The following PCDHA3 variants were observed in gnomAD, a reference collection of about 807,000 sequenced individuals.
PCDHA3 encodes the protein protocadherin alpha 3, also known as protocadherin alpha-3.
A neutral mutation model predicts 62.2 loss-of-function variants in PCDHA3; 41 were observed. That is an observed-to-expected ratio of 0.66 (90% CI 0.51 to 0.86). The LOEUF is 0.86. Ranked by LOEUF, PCDHA3 falls within the 40% of genes least tolerant of loss-of-function variation. The pLI, the probability that PCDHA3 is intolerant of heterozygous loss-of-function variation, is 0.00. For synonymous variants in PCDHA3, 640 were observed against 555.4 expected (o/e 1.15, Z -2.14); for missense variants, 1,304 against 1,241.2 (o/e 1.05, Z -0.76).
At chr5:140,807,606 T>C in intron 1 of PCDHA3, 1 of 1,614,174 alleles carries the variant, frequency 6.2e-7, no homozygotes. Flanking sequence ...CAAAAGAACC[T>C]GTCCATCGCG....
intron 1 of PCDHA3, among the ~76,000 whole-genome samples, chr5:140,895,371 T>C (rs1554186488): frequency 1.3e-5 from 2 of 152,304 alleles, no homozygotes; most frequent in East Asian, 3.9e-4. Context: ...TTGGCACTTT[T>C]TGGAGTTCTT....
intron 1 of PCDHA3, chr5:140,871,547 A>T: frequency 6.7e-7 from 1 of 1,498,966 alleles, no homozygotes; most frequent in Non-Finnish European, 8.9e-7. Flanking sequence ...AATTATTTAA[A>T]ATCCAGTTTT....
chr5:140,923,396 T>C (rs2081343835), intron 1 of PCDHA3, among the ~76,000 whole-genome samples: 1 of 152,058 alleles, frequency 6.6e-6, no homozygotes, highest in Non-Finnish European at 1.5e-5. Context: ...GGCATGGTGG[T>C]GTGTGCCTAT....
chr5:140,955,595 A>G (rs1366870361), intron 1 of PCDHA3, among the ~76,000 whole-genome samples: 1 of 152,194 alleles, frequency 6.6e-6, no homozygotes, highest in Admixed American at 6.5e-5. Context: ...TCTTTCTTTT[A>G]TAAATTACCC....
At chr5:140,906,540 A>T (rs1375015616) in intron 1 of PCDHA3, among the ~76,000 whole-genome samples, 4 of 152,232 alleles carry the variant, frequency 2.6e-5, no homozygotes, top group African/African-American at 9.6e-5. Context: ...TAAAATCCTC[A>T]TTTCTGCAAC....
chr5:141,011,182 G>T lies in PCDHA3; in HGVS notation c.*1245G>T, dbSNP rs887034679. On this transcript the variant is annotated 3_prime_UTR_variant, in exon 4 of 4. Coordinates refer to ENST00000522353, the MANE Select transcript of PCDHA3 (RefSeq NM_018906.3). ...TATATATCAAGACCCAAAAATTGAA[G>T]AAAAATATTGTTTTCTCATACAGTG... 1.3e-5 allele frequency: 2 copies of T among 153,494 alleles called. No individual in the cohort carries two copies. Among genetic ancestry groups the T allele is most frequent in the Admixed American group, 6.6e-5 (1 of 15,254 alleles). The allele number at this position is 153,494 out of a possible 1,614,324, so 9.5% of individuals were successfully genotyped here.
At chr5:140,980,722 A>G (rs1318137295) in intron 2 of PCDHA3, among the ~76,000 whole-genome samples, 1 of 152,356 alleles carries the variant, frequency 6.6e-6, no homozygotes, top group South Asian at 2.1e-4. Context: ...TCGGGTTTCA[A>G]TTAAGATATT....
Position 140,806,850 on chromosome 5 carries a change from T to C in PCDHA3, c.2394+3259T>C, listed in dbSNP as rs140984861. Reference sequence around the variant, plus strand: ...GAAACTAAGGACCACACTCAATCAATCAGTGGTACAATGTGTACCACAGTA... The same window carrying C: ...GAAACTAAGGACCACACTCAATCAACCAGTGGTACAATGTGTACCACAGTA... On this transcript the variant is annotated intron_variant, in intron 1 of 3. Transcript: ENST00000522353. 367 of 286,378 alleles carry C rather than the reference T, an allele frequency of 1.3e-3. 1 individual carries two copies. Among genetic ancestry groups the C allele is most frequent in the African/African-American group, 7.2e-3 (332 of 46,362 alleles). 17.7% of individuals were successfully genotyped at this position (286,378 alleles called of 1,614,324 possible).
chr5:140,850,416 G>T, intron 1 of PCDHA3: 1 of 1,598,000 alleles, frequency 6.3e-7, no homozygotes, highest in Non-Finnish European at 8.6e-7. Flanking sequence ...GGACGAAACG[G>T]ACGCACCGCG....
intron 1 of PCDHA3, chr5:140,875,414 C>A: frequency 3.3e-6 from 5 of 1,508,510 alleles, no homozygotes; most frequent in Non-Finnish European, 4.4e-6. Flanking sequence ...CATAAAATAC[C>A]TCAGGCAAGC....
chr5:140,960,417 A>G (rs1340642372), intron 1 of PCDHA3, among the ~76,000 whole-genome samples: 10 of 152,218 alleles, frequency 6.6e-5, no homozygotes, highest in African/African-American at 1.9e-4. Flanking sequence ...CAAAAAGTCA[A>G]CAATTACTTG....
At chr5:140,989,839 AGT>A (rs1161936815) in intron 3 of PCDHA3, among the ~76,000 whole-genome samples, 2 of 152,166 alleles carry the variant, frequency 1.3e-5, no homozygotes, top group Non-Finnish European at 2.9e-5. Context: ...CCTGTCAATG[AGT>A]GTGTGGACTG....
rs1250461159 is a variant in PCDHA3 at position 140,856,238 on chromosome 5, C to A, written c.2394+52647C>A. 4 of 1,597,820 alleles carry A rather than the reference C, an allele frequency of 2.5e-6. 1 individual carries two copies. Among genetic ancestry groups the A allele is most frequent in the African/African-American group, 1.3e-5 (1 of 74,234 alleles). On this transcript the variant is annotated intron_variant, in intron 1 of 3. Coordinates refer to ENST00000522353, the MANE Select transcript of PCDHA3 (RefSeq NM_018906.3). ...GGCGGAGCTGGTGCAGCGCCTGTTC[C>A]GGGTGGCGTCCAAAAGACACGGGGA... is the stretch of plus-strand genomic sequence containing the variant.
chr5:140,823,963 G>A (rs1554129675), intron 1 of PCDHA3: 3 of 1,614,110 alleles, frequency 1.9e-6, no homozygotes, highest in South Asian at 2.2e-5. Context: ...CACCGAGGCC[G>A]TGTGCACACG....
At chr5:140,841,748 T>C in intron 1 of PCDHA3, 6 of 1,613,846 alleles carry the variant, frequency 3.7e-6, no homozygotes, top group Non-Finnish European at 5.1e-6. Flanking sequence ...GCTGTTTGTT[T>C]CAGAATCCAG....
chr5:140,815,613 A>T (rs1554126828), intron 1 of PCDHA3: 16 of 152,076 alleles, frequency 1.1e-4, no homozygotes, highest in Non-Finnish European at 1.9e-4. Context: ...TGACTTTTGT[A>T]CCACCATTAC....
rs17844337 is a variant in PCDHA3 at position 140,851,004 on chromosome 5, A to AT, written c.2394+47421dup. The AT allele has an allele frequency of 8.9e-5, 128 of 1,434,992 alleles. 10 individuals are homozygous for AT. Among genetic ancestry groups the AT allele is most frequent in the East Asian group, 7.3e-4 (30 of 41,268 alleles). 88.9% of individuals were successfully genotyped at this position (1,434,992 alleles called of 1,614,324 possible). ...ATTCATTTTTCTAGAAATCCAGCAG[A>AT]TTTTTTTTCTGATAAAGTAAACCCC... On this transcript the variant is annotated intron_variant, in intron 1 of 3. Coordinates refer to ENST00000522353, the MANE Select transcript of PCDHA3 (RefSeq NM_018906.3).
intron 1 of PCDHA3, chr5:140,856,458 A>C: frequency 9.4e-6 from 15 of 1,598,416 alleles, no homozygotes; most frequent in Non-Finnish European, 1.3e-5. Flanking sequence ...GTAACAGAAC[A>C]AAAGCTCTCA....
At chr5:140,813,725 G>A (rs1297034121) in intron 1 of PCDHA3, 2 of 152,318 alleles carry the variant, frequency 1.3e-5, no homozygotes, top group East Asian at 3.8e-4. Context: ...GCTGGTCATG[G>A]TGGCTCATGC....
Sources: allele counts gnomAD v4.1 joint callset (sites outside exome capture counted in the v4.1 genomes callset), GRCh38; gene constraint gnomAD v4.1.1; transcripts MANE v1.5; gene names NCBI Gene and HGNC (gene_info 2026-07-23, HGNC 2026-07-21).